Variants in SLC22A5 observed in about 807,000 individuals in gnomAD.
The protein encoded by SLC22A5 is organic cation/carnitine transporter 2.
Under a neutral mutation model 56.7 loss-of-function variants are expected in SLC22A5, and 44 were observed. That is an observed-to-expected ratio of 0.78 (90% CI 0.61 to 1.00). The LOEUF is 1.00. SLC22A5 is among the 50% of genes least tolerant of loss of function. The probability of loss-of-function intolerance (pLI) is 0.00; values close to 1 mark genes in which losing one functional copy is unlikely to be tolerated. For synonymous variants in SLC22A5, 278 were observed against 292.1 expected (o/e 0.95, Z 0.49); for missense variants, 675 against 723.0 (o/e 0.93, Z 0.76).
chr5:132,373,026 G>A (rs1392678207), intron 1 of SLC22A5, among the ~76,000 whole-genome samples: 1 of 152,188 alleles, frequency 6.6e-6, no homozygotes, highest in Non-Finnish European at 1.5e-5. Flanking sequence ...GTACATACAT[G>A]TAGTACCAAA....
At position 132,378,396 on chromosome 5, in the gene SLC22A5, G is replaced by A. The variant is rs534336326; in HGVS notation, c.412G>A (p.Asp138Asn). ...CTTGCAGTGGAACCTGGTGTGTGAG[G>A]ACGACTGGAAGGCCCCACTCACAAT... ...IVTEWNLVCE[D>N]DWKAPLTISL... Residue 138 changes from aspartate to asparagine, a missense_variant, in exon 2 of 10, where the codon GAC (aspartate) becomes AAC (asparagine). Physicochemically the swap from Asp to Asn is conservative, Grantham distance 23. Transcript: ENST00000245407. The A allele has an allele frequency of 1.9e-6, 3 of 1,614,180 alleles. No individual in the cohort carries two copies. Among genetic ancestry groups the A allele is most frequent in the Non-Finnish European group, 2.5e-6 (3 of 1,179,988 alleles).
At chr5:132,390,156 G>A (rs141660608) in intron 6 of SLC22A5, 160 of 196,990 alleles carry the variant, frequency 8.1e-4, no homozygotes, top group African/African-American at 3.2e-3. Context: ...CACAAGTACC[G>A]CGGGGCTGGT....
chr5:132,370,953 C>CTTTTTTTTTTTTTTTTTTTTTTTTTTTT lies in SLC22A5; in HGVS notation c.393+600_393+601insTTTTTTTTTTTTTTTTTTTTTTTTTTTT, dbSNP rs750736082. On this transcript the variant is annotated intron_variant, in intron 1 of 9. Coordinates refer to ENST00000245407, the MANE Select transcript of SLC22A5 (RefSeq NM_003060.4). Reference sequence around the variant, plus strand: ...CCTTTTCCCATGGTCAGTTGTCAGTCTTTTTTTTTTTTGAGACAGAGTCTC... The same window carrying CTTTTTTTTTTTTTTTTTTTTTTTTTTTT: ...CCTTTTCCCATGGTCAGTTGTCAGTCTTTTTTTTTTTTTTTTTTTTTTTTTTTTTTTTTTTTTTTTGAGACAGAGTCTC... Among the ~76,000 whole-genome samples the CTTTTTTTTTTTTTTTTTTTTTTTTTTTT allele has an allele frequency of 9.7e-5, 13 of 133,788 alleles. 1 individual carries two copies. The highest frequency in any genetic ancestry group is 3.3e-4 in the African/African-American group (12 of 36,910). 87.8% of individuals were successfully genotyped at this position (133,788 alleles called of 152,430 possible).
At chr5:132,391,424 C>T (rs1752697545) in intron 7 of SLC22A5, among the ~76,000 whole-genome samples, 1 of 152,172 alleles carries the variant, frequency 6.6e-6, no homozygotes, top group African/African-American at 2.4e-5. Context: ...TCTAGGAATA[C>T]AAATGAAGGA....
At chr5:132,371,053 C>T (rs1216489080) in intron 1 of SLC22A5, among the ~76,000 whole-genome samples, 1 of 150,504 alleles carries the variant, frequency 6.6e-6, no homozygotes, top group Non-Finnish European at 1.5e-5. Context: ...GTTCTTGGCT[C>T]ACTGCAATCT....
chr5:132,382,840 T>C (rs1228363861), intron 2 of SLC22A5: 1 of 152,214 alleles, frequency 6.6e-6, no homozygotes, highest in African/African-American at 2.4e-5. Flanking sequence ...TTTATTGATA[T>C]CCAAGTGCCC....
intron 3 of SLC22A5, 151 bp from the exon 4 acceptor site, chr5:132,385,177 G>A: frequency 4.1e-6 from 3 of 730,056 alleles, no homozygotes; most frequent in South Asian, 2.9e-5. Flanking sequence ...CAGACAGGAG[G>A]GGTTCAGAAC....
chr5:132,370,362 C>G lies in SLC22A5; in HGVS notation c.390C>G (p.Thr130=), dbSNP rs750705553. The change falls in exon 1 of 10, where the codon ACC becomes ACG. Residue 130 remains threonine, a synonymous_variant. Coordinates refer to ENST00000245407, the MANE Select transcript of SLC22A5 (RefSeq NM_003060.4). ...ACGTCTACCTGTCCACCATTGTGAC[C>G]GAGGTGGGTGCCGGCCCCTGCTGGG... ...SQDVYLSTIV[T]EWNLVCEDDW... 6.2e-7 allele frequency: 1 copy of G among 1,611,998 alleles called. No homozygotes were observed. Among genetic ancestry groups the G allele is most frequent in the South Asian group, 1.1e-5 (1 of 90,800 alleles).
chr5:132,384,009 C>A, intron 2 of SLC22A5, 138 bp from the exon 3 acceptor site: 1 of 847,644 alleles, frequency 1.2e-6, no homozygotes, highest in Non-Finnish European at 2.0e-6. Flanking sequence ...GAGACCGAGA[C>A]TGTCCCTGGC....
intron 1 of SLC22A5, among the ~76,000 whole-genome samples, chr5:132,373,267 A>T (rs1752005038): frequency 6.6e-6 from 1 of 152,236 alleles, no homozygotes; most frequent in Non-Finnish European, 1.5e-5. Flanking sequence ...CCCCCTGCCC[A>T]CTGACTGGGG....
chr5:132,371,179 A>T (rs1437864019), intron 1 of SLC22A5, among the ~76,000 whole-genome samples: 2 of 151,934 alleles, frequency 1.3e-5, no homozygotes, highest in African/African-American at 4.8e-5. Context: ...GTTGGCCAGG[A>T]TGGTCTCGAT....
rs1253149319 is a variant in SLC22A5 at position 132,393,773 on chromosome 5, A to C, written c.1548A>C (p.Pro516=). ...TLFLPESFGT[P]LPDTIDQMLR... ...TTCTCCCAGAGAGCTTCGGTACCCC[A>C]CTCCCAGACACCATTGACCAGATGC... Residue 516 remains proline (P), a synonymous_variant, in exon 9 of 10, where the codon CCA becomes CCC. Transcript: ENST00000245407. The C allele has an allele frequency of 5.0e-6, 8 of 1,613,796 alleles. No individual in the cohort carries two copies. The South Asian group carries it at 7.7e-5, about 16-fold the overall frequency.
chr5:132,385,536 G>A (rs1752499435), intron 4 of SLC22A5, 37 bp downstream of exon 4: 1 of 1,591,270 alleles, frequency 6.3e-7, no homozygotes, highest in Non-Finnish European at 8.6e-7. Flanking sequence ...CCCACTGGCA[G>A]GATGATTTCT....
At chr5:132,391,030 G>A in intron 7 of SLC22A5, 126 bp downstream of exon 7, 1 of 795,556 alleles carries the variant, frequency 1.3e-6, no homozygotes, top group Non-Finnish European at 2.1e-6. Context: ...ATACATTCTT[G>A]GCCTAAAAAT....
rs181483390 is a variant in SLC22A5, at chr5:132,392,583, G to T, written c.1418G>T (p.Gly473Val). The part of the protein sequence containing the change: ...VGVSSTASRL[G>V]SILSPYFVYL... The stretch of plus-strand genomic sequence containing the variant: ...GTCAGCTCCACAGCATCCCGCCTGG[G>T]CAGCATCCTGTCTCCCTACTTCGTT... The change falls in exon 8 of 10, where the codon GGC (glycine) becomes GTC (valine). Residue 473 changes from glycine to valine, a missense_variant. Gly to Val is a moderately radical substitution (Grantham distance 109, BLOSUM62 -3). Transcript: ENST00000245407. 6.2e-7 allele frequency: 1 copy of T among 1,614,174 alleles called. No homozygotes were observed. The highest frequency in any genetic ancestry group is 2.2e-5 in the East Asian group (1 of 44,880).
intron 5 of SLC22A5, 135 bp downstream of exon 5, chr5:132,387,286 C>CAATCCCCCCACTCCCCA: frequency 1.0e-6 from 1 of 994,514 alleles, no homozygotes; most frequent in Non-Finnish European, 1.6e-6. Flanking sequence ...CCCATTCCCC[C>CAATCCCCCCACTCCCCA]CATCCCCCCA....
chr5:132,386,715 T>C (rs556429784), intron 4 of SLC22A5, among the ~76,000 whole-genome samples: 98 of 152,310 alleles, frequency 6.4e-4, no homozygotes, highest in African/African-American at 1.8e-3. Context: ...GGAGCCCATC[T>C]TGCACCCATC....
intron 4 of SLC22A5, 148 bp downstream of exon 4, chr5:132,385,647 A>G: frequency 5.2e-6 from 4 of 764,376 alleles, no homozygotes; most frequent in Non-Finnish European, 2.2e-6. Context: ...TGTTTTCTCC[A>G]CACTCAAAAG....
chr5:132,389,100 C>A, intron 6 of SLC22A5, 79 bp downstream of exon 6: 1 of 882,688 alleles, frequency 1.1e-6, no homozygotes, highest in Non-Finnish European at 1.9e-6. Flanking sequence ...TACAGACATG[C>A]CTCAGACAAA....
Sources: allele counts gnomAD v4.1 joint callset (sites outside exome capture counted in the v4.1 genomes callset), GRCh38; gene constraint gnomAD v4.1.1; transcripts MANE v1.5; gene names NCBI Gene and HGNC (gene_info 2026-07-23, HGNC 2026-07-21).